Variants in KHDRBS2 observed in about 807,000 individuals in gnomAD.
KHDRBS2 encodes KH domain-containing, RNA-binding, signal transduction-associated protein 2.
In KHDRBS2, 26 loss-of-function variants were observed where a neutral mutation model predicts 44.3. That is an observed-to-expected ratio of 0.59 (90% CI 0.43 to 0.81). The LOEUF (loss-of-function observed/expected upper bound fraction) is 0.81. KHDRBS2 is among the 40% of genes least tolerant of loss of function. The pLI is 0.00. For missense variants in KHDRBS2, 476 were observed against 433.1 expected (o/e 1.10, Z -0.88); for synonymous variants, 194 against 151.1 (o/e 1.28, Z -2.08).
At chr6:62,188,591 TTAAG>T (rs1333908225) in intron 1 of KHDRBS2, among the ~76,000 whole-genome samples, 2 of 152,134 alleles carry the variant, frequency 1.3e-5, no homozygotes, top group African/African-American at 4.8e-5. Context: ...GAGACATTAA[TTAAG>T]TATGGGAAAT....
At chr6:61,707,907 G>C (rs1460735284) in intron 7 of KHDRBS2, among the ~76,000 whole-genome samples, 1 of 151,548 alleles carries the variant, frequency 6.6e-6, no homozygotes, top group Non-Finnish European at 1.5e-5. Flanking sequence ...TTCCTATAGA[G>C]TTAAAAATTC....
the KHDRBS2 span, among the ~76,000 whole-genome samples, chr6:61,607,814 G>A: frequency 2.6e-5 from 4 of 151,896 alleles, no homozygotes; most frequent in African/African-American, 9.7e-5. Context: ...CAGCCTCCCT[G>A]GTAGCTGGGA....
intron 2 of KHDRBS2, among the ~76,000 whole-genome samples, chr6:62,145,250 T>C (rs2150101220): frequency 6.8e-6 from 1 of 147,842 alleles, no homozygotes; most frequent in East Asian, 2.0e-4. Context: ...CCTACTGCTT[T>C]CTCTTTTTTG....
intron 2 of KHDRBS2, among the ~76,000 whole-genome samples, chr6:62,093,550 A>G (rs1344025770): frequency 2.0e-5 from 3 of 151,938 alleles, no homozygotes; most frequent in Non-Finnish European, 2.9e-5. Context: ...ACAATACATT[A>G]TTGTTAACTC....
chr6:62,082,535 T>C (rs888016551), intron 2 of KHDRBS2, among the ~76,000 whole-genome samples: 5 of 152,160 alleles, frequency 3.3e-5, no homozygotes, highest in Non-Finnish European at 5.9e-5. Context: ...AACGATTTCA[T>C]ACTTTTATTA....
chr6:62,028,147 C>A (rs920340342), intron 3 of KHDRBS2, among the ~76,000 whole-genome samples: 2 of 151,962 alleles, frequency 1.3e-5, no homozygotes, highest in African/African-American at 4.8e-5. Flanking sequence ...CTGCCAGTGT[C>A]AGAGAATCAG....
chr6:61,940,931 G>C (rs533445897), intron 4 of KHDRBS2, among the ~76,000 whole-genome samples: 109 of 152,298 alleles, frequency 7.2e-4, no homozygotes, highest in African/African-American at 2.4e-3. Flanking sequence ...GCTGGCCTAG[G>C]ATGTTCAACA....
At chr6:62,132,605 T>C (rs558270765) in intron 2 of KHDRBS2, among the ~76,000 whole-genome samples, 36 of 152,308 alleles carry the variant, frequency 2.4e-4, no homozygotes, top group South Asian at 1.9e-3. Context: ...CAAAATATAC[T>C]GATGAGGGTT....
At chr6:61,865,138 T>C (rs1797589335) in intron 6 of KHDRBS2, among the ~76,000 whole-genome samples, 1 of 152,170 alleles carries the variant, frequency 6.6e-6, no homozygotes, top group Non-Finnish European at 1.5e-5. Flanking sequence ...ATGTTCCTCT[T>C]TATACTCACT....
intron 1 of KHDRBS2, among the ~76,000 whole-genome samples, chr6:62,238,901 C>T: frequency 6.6e-6 from 1 of 152,072 alleles, no homozygotes; most frequent in East Asian, 1.9e-4. Context: ...ATCTATAATA[C>T]TTTACCCAAA....
intron 6 of KHDRBS2, among the ~76,000 whole-genome samples, chr6:61,766,240 C>A (rs968336975): frequency 5.3e-5 from 8 of 151,734 alleles, no homozygotes; most frequent in South Asian, 2.1e-4. Flanking sequence ...TACGTTTCTT[C>A]TAGGTTTTTC....
At chr6:62,189,915 G>A (rs2150130738) in intron 1 of KHDRBS2, among the ~76,000 whole-genome samples, 1 of 152,224 alleles carries the variant, frequency 6.6e-6, no homozygotes, top group Non-Finnish European at 1.5e-5. Context: ...AGAATCAGGA[G>A]TTGGATGAGG....
intron 4 of KHDRBS2, among the ~76,000 whole-genome samples, chr6:61,941,416 A>G (rs1235244696): frequency 1.3e-5 from 2 of 152,108 alleles, no homozygotes; most frequent in African/African-American, 2.4e-5. Context: ...CATTACTGCC[A>G]TTATTAGCAT....
At chr6:62,143,363 G>C (rs1207570119) in intron 2 of KHDRBS2, among the ~76,000 whole-genome samples, 2 of 151,852 alleles carry the variant, frequency 1.3e-5, no homozygotes, top group Non-Finnish European at 1.5e-5. Flanking sequence ...TTATATTATA[G>C]TAGATAAACT....
At chr6:62,080,478 C>T (rs1343869821) in intron 2 of KHDRBS2, among the ~76,000 whole-genome samples, 1 of 152,062 alleles carries the variant, frequency 6.6e-6, no homozygotes, top group Non-Finnish European at 1.5e-5. Flanking sequence ...AACATATGGA[C>T]TTCATAAACG....
At chr6:61,891,249 A>G (rs1366036060) in intron 6 of KHDRBS2, among the ~76,000 whole-genome samples, 1 of 152,312 alleles carries the variant, frequency 6.6e-6, no homozygotes, top group African/African-American at 2.4e-5. Flanking sequence ...TCATAGTACA[A>G]TGATCTGGCT....
chr6:61,741,697 C>T (rs1169145671), intron 6 of KHDRBS2, among the ~76,000 whole-genome samples: 3 of 151,818 alleles, frequency 2.0e-5, no homozygotes, highest in African/African-American at 7.3e-5. Flanking sequence ...TTCCTAAGTT[C>T]AACCTAACAC....
chr6:61,643,973 C>G, the KHDRBS2 span, among the ~76,000 whole-genome samples: 1 of 152,136 alleles, frequency 6.6e-6, no homozygotes, highest in African/African-American at 2.4e-5. Flanking sequence ...TTATATGGAA[C>G]CAAAATAGAG....
Position 62,027,715 on chromosome 6 carries a change from C to G in KHDRBS2, c.336+20163G>C, listed in dbSNP as rs1783625554. ...ATGAAATGCAGCCGCCATAATAACC[C>G]AAAAGGACAAAGTTTGGAGAGCATT... On this transcript the variant is annotated intron_variant, in intron 3 of 8. Transcript: ENST00000281156. Among the ~76,000 whole-genome samples the G allele has an allele frequency of 2.0e-5, 3 of 152,136 alleles. No individual in the cohort carries two copies. In the South Asian group the frequency reaches 6.2e-4, roughly 32 times the overall value.
Sources: allele counts gnomAD v4.1 joint callset (sites outside exome capture counted in the v4.1 genomes callset), GRCh38; gene constraint gnomAD v4.1.1; transcripts MANE v1.5; gene names NCBI Gene and HGNC (gene_info 2026-07-23, HGNC 2026-07-21).